Variants in HS2ST1 observed in about 807,000 individuals in gnomAD.
HS2ST1 encodes heparan sulfate 2-O-sulfotransferase 1.
HS2ST1 carries 18 observed loss-of-function variants against 42.9 expected under a neutral mutation model. That is an observed-to-expected ratio of 0.42 (90% CI 0.29 to 0.62). The LOEUF is 0.62. Among genes scored for constraint, HS2ST1 ranks in the 20% least tolerant of loss-of-function variants. The probability of loss-of-function intolerance (pLI) is 0.21; values close to 1 mark genes in which losing one functional copy is unlikely to be tolerated. For missense variants in HS2ST1, 334 were observed against 433.8 expected, an observed-to-expected ratio of 0.77 and a Z score of 2.04; for synonymous variants, 146 against 152.9, an observed-to-expected ratio of 0.95 and a Z score of 0.33.
At chr1:87,098,395 A>G in intron 5 of HS2ST1, 1 of 856,088 alleles carries the variant, frequency 1.2e-6, no homozygotes, top group South Asian at 5.4e-5. Context: ...TTGCTAGTAA[A>G]TATCAAGTGG....
chr1:86,934,688 G>A (rs1240479131), intron 1 of HS2ST1: 2 of 152,452 alleles, frequency 1.3e-5, no homozygotes, highest in Admixed American at 6.5e-5. Flanking sequence ...AGCACTTTGG[G>A]AGGCCGAGGT....
chr1:86,918,773 G>T (rs1660223497), intron 1 of HS2ST1, among the ~76,000 whole-genome samples: 2 of 151,886 alleles, frequency 1.3e-5, no homozygotes, highest in African/African-American at 4.8e-5. Context: ...ATTTTTGCCA[G>T]TGTGAAGCTG....
intron 1 of HS2ST1, among the ~76,000 whole-genome samples, chr1:87,044,561 T>C (rs1194671531): frequency 6.6e-6 from 1 of 152,206 alleles, no homozygotes; most frequent in Non-Finnish European, 1.5e-5. Flanking sequence ...AAAATTAATT[T>C]TTCTAGCCAA....
chr1:86,960,734 C>A (rs778542598), intron 1 of HS2ST1, among the ~76,000 whole-genome samples: 48 of 152,130 alleles, frequency 3.2e-4, no homozygotes, highest in Admixed American at 8.5e-4. Flanking sequence ...TACTATACAC[C>A]TATTAGAGTG....
At chr1:87,027,198 TGA>T (rs1232584623) in intron 1 of HS2ST1, among the ~76,000 whole-genome samples, 1 of 152,216 alleles carries the variant, frequency 6.6e-6, no homozygotes, top group Non-Finnish European at 1.5e-5. Context: ...CTTTTTCTTA[TGA>T]GAGGCTTCCA....
chr1:87,083,068 C>T (rs1651730899), intron 2 of HS2ST1, among the ~76,000 whole-genome samples: 1 of 152,170 alleles, frequency 6.6e-6, no homozygotes, highest in African/African-American at 2.4e-5. Context: ...CAGAACTCTT[C>T]CATTTTTCTC....
intron 1 of HS2ST1, among the ~76,000 whole-genome samples, chr1:87,055,600 C>T (rs1447358012): frequency 1.3e-5 from 2 of 152,180 alleles, no homozygotes; most frequent in Admixed American, 6.5e-5. Context: ...GGCTCTTTAT[C>T]GCTTATAGAA....
At chr1:86,915,221 C>A in intron 1 of HS2ST1, 61 bp downstream of exon 1, 4 of 1,543,162 alleles carry the variant, frequency 2.6e-6, no homozygotes, top group Non-Finnish European at 3.5e-6. Context: ...GCGCTGCCGC[C>A]GGAGCAAGTG....
intron 1 of HS2ST1, among the ~76,000 whole-genome samples, chr1:86,935,475 T>C (rs1660627027): frequency 7.0e-6 from 1 of 143,320 alleles, no homozygotes; most frequent in Non-Finnish European, 1.5e-5. Flanking sequence ...TTTTTTTTTT[T>C]TTTTTGAGAT....
intron 1 of HS2ST1, among the ~76,000 whole-genome samples, chr1:86,984,068 T>C (rs1648685592): frequency 6.6e-6 from 1 of 151,828 alleles, no homozygotes; most frequent in Non-Finnish European, 1.5e-5. Context: ...AACTTAGTAA[T>C]AACCATTTAT....
At chr1:86,982,616 G>T (rs936191576) in intron 1 of HS2ST1, among the ~76,000 whole-genome samples, 1 of 152,010 alleles carries the variant, frequency 6.6e-6, no homozygotes, top group Non-Finnish European at 1.5e-5. Context: ...CCAGGTTCAC[G>T]CCATTCTCCT....
At chr1:86,946,219 A>G (rs915206039) in intron 1 of HS2ST1, among the ~76,000 whole-genome samples, 1 of 152,236 alleles carries the variant, frequency 6.6e-6, no homozygotes, top group African/African-American at 2.4e-5. Flanking sequence ...TTGGTAGGAC[A>G]ATAATGTTTT....
intron 1 of HS2ST1, among the ~76,000 whole-genome samples, chr1:86,990,998 A>T (rs1182509509): frequency 6.6e-6 from 1 of 150,670 alleles, no homozygotes; most frequent in African/African-American, 2.4e-5. Context: ...TTCTGTTGTG[A>T]CTTCTGAACC....
chr1:87,079,703 G>C (rs1651635459), intron 2 of HS2ST1, among the ~76,000 whole-genome samples: 1 of 152,022 alleles, frequency 6.6e-6, no homozygotes, highest in Non-Finnish European at 1.5e-5. Context: ...TATGCTTTTA[G>C]TTTGAGCTTA....
intron 1 of HS2ST1, among the ~76,000 whole-genome samples, chr1:87,003,379 A>C (rs746219362): frequency 6.6e-6 from 1 of 152,226 alleles, no homozygotes; most frequent in Non-Finnish European, 1.5e-5. Flanking sequence ...GCTAAAAAAT[A>C]ATTTTTGAAT....
At chr1:86,936,901 G>A (rs1156366201) in intron 1 of HS2ST1, among the ~76,000 whole-genome samples, 3 of 144,088 alleles carry the variant, frequency 2.1e-5, no homozygotes, top group African/African-American at 5.3e-5. Flanking sequence ...CTTGAGACCA[G>A]CCTGGCCAAC....
intron 1 of HS2ST1, among the ~76,000 whole-genome samples, chr1:86,946,114 T>A (rs1412096390): frequency 6.6e-6 from 1 of 152,246 alleles, no homozygotes; most frequent in Admixed American, 6.5e-5. Context: ...TAGAAGTTGA[T>A]TTTTATGTGT....
intron 1 of HS2ST1, among the ~76,000 whole-genome samples, chr1:86,972,445 G>A (rs1378227161): frequency 6.6e-6 from 1 of 152,044 alleles, no homozygotes; most frequent in African/African-American, 2.4e-5. Flanking sequence ...TTGAACTCTA[G>A]GGCTCAAGCC....
At position 86,927,470 on chromosome 1, in the gene HS2ST1, C is replaced by G. The variant is rs541622826; in HGVS notation, c.124+12310C>G. 5.9e-5 allele frequency among the ~76,000 whole-genome samples: 9 copies of G among 152,148 alleles called. No individual in the cohort carries two copies. The South Asian group carries it at 1.4e-3, about 25-fold the overall frequency. ...TTGCTGCTTATATAGCAACTTAAAA[C>G]TGGATTTAGAGGGAAAGTAATGTCC... On this transcript the variant is annotated intron_variant, in intron 1 of 6. Transcript: ENST00000370550.
Sources: gnomAD v4.1 joint callset for allele counts (sites outside exome capture counted in the v4.1 genomes callset) on GRCh38, gnomAD v4.1.1 for gene constraint, MANE v1.5 for transcripts, NCBI Gene and HGNC (gene_info 2026-07-23, HGNC 2026-07-21) for gene names.